Variants in FRMPD2 observed in about 807,000 individuals in gnomAD.
The protein encoded by FRMPD2 is FERM and PDZ domain containing 2.
FRMPD2 carries 96 observed loss-of-function variants against 140.1 expected under a neutral mutation model. The ratio of observed to expected loss-of-function variants is 0.69; its 90% CI spans 0.58 to 0.81. The LOEUF (loss-of-function observed/expected upper bound fraction) is 0.81, where lower values mean the gene tolerates loss of function less well. Among genes scored for constraint, FRMPD2 ranks in the 40% least tolerant of loss-of-function variants. The probability of loss-of-function intolerance (pLI) is 0.00; values close to 1 mark genes in which losing one functional copy is unlikely to be tolerated. For missense variants in FRMPD2, 1,240 were observed against 1,447.4 expected (o/e 0.86, Z 2.32); for synonymous variants, 449 against 547.6 (o/e 0.82, Z 2.52).
intron 5 of FRMPD2, among the ~76,000 whole-genome samples, chr10:48,240,757 C>T (rs1840087749): frequency 1.3e-5 from 2 of 152,162 alleles, no homozygotes. Context: ...GCTACAGCCT[C>T]CCCAGAAGCT....
At chr10:48,183,694 A>G (rs1838603617) in intron 20 of FRMPD2, among the ~76,000 whole-genome samples, 1 of 151,878 alleles carries the variant, frequency 6.6e-6, no homozygotes, top group African/African-American at 2.4e-5. Context: ...CTACTAAAAA[A>G]TACAAAAATT....
intron 15 of FRMPD2, among the ~76,000 whole-genome samples, chr10:48,193,842 C>G (rs1169151814): frequency 1.3e-5 from 2 of 151,970 alleles, no homozygotes; most frequent in Non-Finnish European, 2.9e-5. Flanking sequence ...TTCAAACAGA[C>G]CCCCCTCTCT....
intron 1 of FRMPD2, among the ~76,000 whole-genome samples, chr10:48,264,752 C>T (rs1444977287): frequency 1.3e-5 from 2 of 152,082 alleles, no homozygotes; most frequent in African/African-American, 4.8e-5. Context: ...TAGATTTAAT[C>T]CCAGAAATTT....
intron 1 of FRMPD2, among the ~76,000 whole-genome samples, 181 bp downstream of exon 1, chr10:48,274,359 CAAT>C (rs1214595738): frequency 2.0e-5 from 3 of 152,184 alleles, no homozygotes; most frequent in Non-Finnish European, 4.4e-5. Flanking sequence ...AAAACAAATA[CAAT>C]GTCTATCAGG....
intron 12 of FRMPD2, among the ~76,000 whole-genome samples, chr10:48,213,564 T>C (rs1003755909): frequency 2.6e-5 from 4 of 152,176 alleles, no homozygotes; most frequent in African/African-American, 9.7e-5. Flanking sequence ...TTGCCAAAAC[T>C]TGGAAGCAAA....
chr10:48,244,100 T>C (rs1250425931), intron 4 of FRMPD2, among the ~76,000 whole-genome samples: 1 of 152,226 alleles, frequency 6.6e-6, no homozygotes, highest in Non-Finnish European at 1.5e-5. Flanking sequence ...TTCTCATGCC[T>C]CAGCCTCCCA....
chr10:48,219,234 C>CTT (rs56740008), intron 12 of FRMPD2, among the ~76,000 whole-genome samples: 17,182 of 144,068 alleles, frequency 0.12, 2,048 homozygotes, highest in African/African-American at 0.31. Context: ...TTCTTTCTTT[C>CTT]TTTTTTTTTT....
At chr10:48,202,661 T>G (rs1265269550) in intron 14 of FRMPD2, among the ~76,000 whole-genome samples, 1 of 152,260 alleles carries the variant, frequency 6.6e-6, no homozygotes, top group African/African-American at 2.4e-5. Flanking sequence ...AGTACTCAAC[T>G]GATCATTTCA....
chr10:48,230,331 T>C (rs1205330161), intron 10 of FRMPD2, among the ~76,000 whole-genome samples: 1 of 152,222 alleles, frequency 6.6e-6, no homozygotes, highest in Non-Finnish European at 1.5e-5. Flanking sequence ...CAGGATACAA[T>C]ACTTAAAATT....
chr10:48,202,354 T>C (rs1839106556), intron 14 of FRMPD2, among the ~76,000 whole-genome samples: 1 of 152,196 alleles, frequency 6.6e-6, no homozygotes, highest in Non-Finnish European at 1.5e-5. Context: ...TAATTCCTGA[T>C]AGTCACCATT....
At chr10:48,237,560 G>T (rs1839995877) in intron 8 of FRMPD2, among the ~76,000 whole-genome samples, 2 of 151,930 alleles carry the variant, frequency 1.3e-5, no homozygotes, top group Non-Finnish European at 2.9e-5. Context: ...ACCCTCTTAG[G>T]GTTAGCCAGC....
intron 1 of FRMPD2, among the ~76,000 whole-genome samples, chr10:48,261,385 A>G (rs1368562363): frequency 1.3e-5 from 2 of 152,118 alleles, no homozygotes; most frequent in Non-Finnish European, 2.9e-5. Context: ...AATATTCCCC[A>G]GCAAAAAAAA....
chr10:48,212,110 C>A lies in FRMPD2; in HGVS notation c.1456-1G>T. ...GAAAGTATGGCTTACTCTCCACCTGCTGGAAGTAAGATGTAGAAGGGAAGG... is the reference window on the plus strand; with the variant it reads ...GAAAGTATGGCTTACTCTCCACCTGATGGAAGTAAGATGTAGAAGGGAAGG... On this transcript the variant is annotated splice_acceptor_variant, in intron 12 of 28. Coordinates refer to ENST00000374201, the MANE Select transcript of FRMPD2 (RefSeq NM_001018071.4). LOFTEE classifies it high-confidence loss of function. 1 of 1,613,722 alleles carries A rather than the reference C, an allele frequency of 6.2e-7. No homozygotes were observed. The highest frequency in any genetic ancestry group is 1.1e-5 in the South Asian group (1 of 91,022).
intron 15 of FRMPD2, among the ~76,000 whole-genome samples, chr10:48,200,369 T>A (rs1401920970): frequency 1.3e-5 from 2 of 152,108 alleles, no homozygotes; most frequent in African/African-American, 4.8e-5. Flanking sequence ...TAGTCAGAAC[T>A]GCACCGCATC....
intron 8 of FRMPD2, among the ~76,000 whole-genome samples, chr10:48,236,806 T>A (rs1839977357): frequency 6.6e-6 from 1 of 152,174 alleles, no homozygotes; most frequent in South Asian, 2.1e-4. Context: ...GTGTTCGGGG[T>A]GAATTATAAG....
At chr10:48,187,937 G>C (rs1838728358) in intron 16 of FRMPD2, among the ~76,000 whole-genome samples, 2 of 152,196 alleles carry the variant, frequency 1.3e-5, no homozygotes, top group Admixed American at 6.5e-5. Flanking sequence ...TAATGTACTA[G>C]AGCCTAGCAG....
At chr10:48,247,177 G>T (rs751486107) in intron 3 of FRMPD2, among the ~76,000 whole-genome samples, 1 of 152,338 alleles carries the variant, frequency 6.6e-6, no homozygotes, top group Admixed American at 6.5e-5. Flanking sequence ...GCAGGAGGAA[G>T]GAACATATTA....
intron 1 of FRMPD2, among the ~76,000 whole-genome samples, chr10:48,259,635 A>AGT (rs144847579): frequency 0.073 from 10,822 of 148,424 alleles, 389 homozygotes; most frequent in Middle Eastern, 0.087. Context: ...TGTGTGTGTA[A>AGT]GTGTGTGTGT....
intron 8 of FRMPD2, among the ~76,000 whole-genome samples, chr10:48,237,277 TG>T (rs1330474062): frequency 6.6e-6 from 1 of 152,174 alleles, no homozygotes; most frequent in Non-Finnish European, 1.5e-5. Context: ...ACTTGTGTCC[TG>T]CAAGAGTTCC....
Sources: allele counts gnomAD v4.1 joint callset (sites outside exome capture counted in the v4.1 genomes callset), GRCh38; gene constraint gnomAD v4.1.1; transcripts MANE v1.5; gene names NCBI Gene and HGNC (gene_info 2026-07-23, HGNC 2026-07-21).